AMMECR1: variants seen among roughly 807,000 people sequenced by gnomAD.
AMMECR1 encodes AMMECR nuclear protein 1, also known as nuclear protein AMMECR1.
AMMECR1 carries 3 observed loss-of-function variants against 22.5 expected under a neutral mutation model. That is an observed-to-expected ratio of 0.13 (90% CI 0.06 to 0.35). AMMECR1 has a LOEUF of 0.35. Ranked by LOEUF, AMMECR1 falls within the 10% of genes least tolerant of loss-of-function variation. The probability of loss-of-function intolerance (pLI) is 1.00; values close to 1 mark genes in which losing one functional copy is unlikely to be tolerated. For missense variants in AMMECR1, 235 were observed against 278.7 expected, an observed-to-expected ratio of 0.84 and a Z score of 1.12; for synonymous variants, 130 against 116.7, an observed-to-expected ratio of 1.11 and a Z score of -0.74.
chrX:110,229,962 C>T (rs1168391389), intron 2 of AMMECR1, among the ~76,000 whole-genome samples: 1 of 112,789 alleles, frequency 8.9e-6, no homozygotes, highest in African/African-American at 3.2e-5. Flanking sequence ...GAGGGGTATC[C>T]GCCATTGCTG....
intron 2 of AMMECR1, among the ~76,000 whole-genome samples, chrX:110,360,861 T>C (rs1471590194): frequency 1.8e-5 from 2 of 111,223 alleles, no homozygotes; most frequent in Non-Finnish European, 3.8e-5. Flanking sequence ...ACAGGAAGAA[T>C]TGATAGGATT....
At chrX:110,361,036 G>A (rs2068259866) in intron 2 of AMMECR1, among the ~76,000 whole-genome samples, 1 of 110,365 alleles carries the variant, frequency 9.1e-6, no homozygotes, top group Non-Finnish European at 1.9e-5. Flanking sequence ...ATGCCCAATT[G>A]CCTGCTGGAC....
chrX:110,287,802 T>A (rs1053069440), intron 1 of AMMECR1, among the ~76,000 whole-genome samples: 3 of 111,595 alleles, frequency 2.7e-5, no homozygotes, highest in Non-Finnish European at 5.7e-5. Flanking sequence ...AGAGAATGGT[T>A]TAGACAGTGT....
chrX:110,244,715 T>C (rs1002772858), intron 2 of AMMECR1, among the ~76,000 whole-genome samples: 3 of 112,179 alleles, frequency 2.7e-5, no homozygotes, highest in Non-Finnish European at 5.6e-5. Flanking sequence ...CAGAGTTAAG[T>C]GCTCGATAAA....
At chrX:110,296,510 G>T (rs796835967) in intron 1 of AMMECR1, among the ~76,000 whole-genome samples, 2 of 111,761 alleles carry the variant, frequency 1.8e-5, no homozygotes, top group Non-Finnish European at 3.8e-5. Flanking sequence ...CATTATGTGT[G>T]CATTGGTATA....
chrX:110,249,637 C>G (rs1002914508), intron 2 of AMMECR1, among the ~76,000 whole-genome samples: 1 of 111,883 alleles, frequency 8.9e-6, no homozygotes, highest in Non-Finnish European at 1.9e-5. Context: ...TGCGGTGGCT[C>G]ACACCTGTAA....
intron 1 of AMMECR1, among the ~76,000 whole-genome samples, chrX:110,276,247 T>G (rs1377633640): frequency 8.9e-6 from 1 of 112,224 alleles, no homozygotes; most frequent in Non-Finnish European, 1.9e-5. Context: ...TTATATGTCT[T>G]TCACTTCTTT....
At chrX:110,230,512 A>G (rs186561493) in intron 2 of AMMECR1, among the ~76,000 whole-genome samples, 24 of 111,860 alleles carry the variant, frequency 2.1e-4, no homozygotes, top group African/African-American at 7.1e-4. Context: ...CTACACCAAA[A>G]CCACATCTAC....
intron 2 of AMMECR1, among the ~76,000 whole-genome samples, chrX:110,404,098 C>T (rs1224767754): frequency 8.9e-6 from 1 of 112,658 alleles, no homozygotes; most frequent in African/African-American, 3.2e-5. Context: ...TTCTTTCTTA[C>T]ATCTAAACTA....
chrX:110,318,224 C>A (rs1308391021), upstream of AMMECR1: 66 of 278,887 alleles, frequency 2.4e-4, no homozygotes, highest in Non-Finnish European at 3.1e-4. Context: ...CCTAGCCACG[C>A]GGCTGCCCCG....
At chrX:110,265,380 T>G (rs2067762977) in intron 1 of AMMECR1, among the ~76,000 whole-genome samples, 1 of 111,665 alleles carries the variant, frequency 9.0e-6, no homozygotes, top group Admixed American at 9.5e-5. Context: ...ACCAGAAAAT[T>G]CATCTTAATT....
At chrX:110,302,779 CAGG>C (rs1324716978) in intron 1 of AMMECR1, among the ~76,000 whole-genome samples, 1 of 110,555 alleles carries the variant, frequency 9.0e-6, no homozygotes, top group Non-Finnish European at 1.9e-5. Context: ...GAGGCTGAGG[CAGG>C]AGAATTGCTT....
chrX:110,336,944 T>C (rs2068144068), intron 2 of AMMECR1, among the ~76,000 whole-genome samples: 1 of 111,353 alleles, frequency 9.0e-6, no homozygotes, highest in Non-Finnish European at 1.9e-5. Context: ...AAAAATCATG[T>C]AGGTTTTATA....
At chrX:110,343,596 A>G (rs1370235403) in intron 2 of AMMECR1, among the ~76,000 whole-genome samples, 2 of 111,318 alleles carry the variant, frequency 1.8e-5, no homozygotes, top group African/African-American at 6.6e-5. Context: ...AGAAAACCCC[A>G]TTGTCTCAGC....
intron 1 of AMMECR1, among the ~76,000 whole-genome samples, chrX:110,296,460 G>A (rs933211932): frequency 1.8e-5 from 2 of 111,883 alleles, no homozygotes; most frequent in African/African-American, 6.5e-5. Context: ...GTTTTCAGCA[G>A]TTATTCCTTC....
intron 2 of AMMECR1, among the ~76,000 whole-genome samples, chrX:110,343,332 G>T (rs2068173035): frequency 9.0e-6 from 1 of 111,538 alleles, no homozygotes; most frequent in African/African-American, 3.3e-5. Flanking sequence ...AGGTATGGAT[G>T]GGACGTATCT....
intron 2 of AMMECR1, among the ~76,000 whole-genome samples, chrX:110,343,444 GC>G (rs1370774179): frequency 2.7e-5 from 3 of 111,378 alleles, no homozygotes; most frequent in African/African-American, 9.8e-5. Context: ...AGACAGGGAT[GC>G]CCTCTCTCAC....
chrX:110,277,887 T>C (rs2067834083), intron 1 of AMMECR1, among the ~76,000 whole-genome samples: 1 of 112,003 alleles, frequency 8.9e-6, no homozygotes, highest in African/African-American at 3.2e-5. Flanking sequence ...CCTCTTATAC[T>C]CTCTCCATGA....
chrX:110,390,152 G>A (rs1480882820), intron 2 of AMMECR1, among the ~76,000 whole-genome samples: 2 of 111,337 alleles, frequency 1.8e-5, no homozygotes, highest in South Asian at 3.8e-4. Context: ...TACATTAAAC[G>A]ATCTTTGAAA....
Sources: gnomAD v4.1 joint callset for allele counts (sites outside exome capture counted in the v4.1 genomes callset) on GRCh38, gnomAD v4.1.1 for gene constraint, MANE v1.5 for transcripts, NCBI Gene and HGNC (gene_info 2026-07-23, HGNC 2026-07-21) for gene names.